DRC11: variants seen among roughly 807,000 people sequenced by gnomAD.
DRC11 encodes dynein regulatory complex subunit 11.
the DRC11 span, among the ~76,000 whole-genome samples, chr2:236,374,780 T>G: frequency 6.6e-6 from 1 of 151,778 alleles, no homozygotes; most frequent in East Asian, 1.9e-4. Flanking sequence ...AACCTCCACC[T>G]CCCGGGTTCA....
the DRC11 span, among the ~76,000 whole-genome samples, chr2:236,423,993 T>C: frequency 2.2e-5 from 3 of 138,568 alleles, no homozygotes; most frequent in East Asian, 2.1e-4. Flanking sequence ...TAGGTGGGAA[T>C]TGAACAATGA....
chr2:236,491,063 C>T, the DRC11 span, among the ~76,000 whole-genome samples: 5 of 116,760 alleles, frequency 4.3e-5, no homozygotes, highest in African/African-American at 1.4e-4. Flanking sequence ...TATATATACA[C>T]ACAGTATATA....
At chr2:236,503,752 T>C in the DRC11 span, 1 of 1,487,694 alleles carries the variant, frequency 6.7e-7, no homozygotes, top group Non-Finnish European at 9.2e-7. This position sits in a 1 kb window ranked among gnomAD's most constrained non-coding sequence, Gnocchi z 4.9. Flanking sequence ...CCACACCCCC[T>C]CCCACACTGG....
chr2:236,453,361 A>G, the DRC11 span, among the ~76,000 whole-genome samples: 1 of 152,362 alleles, frequency 6.6e-6, no homozygotes. The surrounding 1 kb of genome is among the most constrained non-coding windows in gnomAD (Gnocchi z 4.9). Flanking sequence ...CAAGTGCTAA[A>G]TGAATATCTA....
At chr2:236,319,364 G>A in the DRC11 span, among the ~76,000 whole-genome samples, 1 of 152,254 alleles carries the variant, frequency 6.6e-6, no homozygotes, top group Non-Finnish European at 1.5e-5. The surrounding 1 kb of genome is among the most constrained non-coding windows in gnomAD (Gnocchi z 6.7). Flanking sequence ...GCTGAGCTGG[G>A]ACTTATCCAG....
At chr2:236,316,602 G>A in the DRC11 span, among the ~76,000 whole-genome samples, 1 of 152,182 alleles carries the variant, frequency 6.6e-6, no homozygotes, top group South Asian at 2.1e-4. The surrounding 1 kb of genome is among the most constrained non-coding windows in gnomAD (Gnocchi z 6.8). Context: ...TGGAAAAATA[G>A]ACAACCAACT....
At chr2:236,370,233 G>C in the DRC11 span, among the ~76,000 whole-genome samples, 1 of 152,238 alleles carries the variant, frequency 6.6e-6, no homozygotes, top group African/African-American at 2.4e-5. The surrounding 1 kb of genome is among the most constrained non-coding windows in gnomAD (Gnocchi z 5.5). Context: ...AAGATCGCCA[G>C]CCACACGCCA....
chr2:236,421,569 T>G, the DRC11 span, among the ~76,000 whole-genome samples: 1 of 152,142 alleles, frequency 6.6e-6, no homozygotes, highest in Non-Finnish European at 1.5e-5. Context: ...CAATAATTAA[T>G]AGCTTACCAA....
At chr2:236,308,933 C>T in the DRC11 span, among the ~76,000 whole-genome samples, 2 of 152,210 alleles carry the variant, frequency 1.3e-5, no homozygotes, top group Non-Finnish European at 2.9e-5. This position sits in a 1 kb window ranked among gnomAD's most constrained non-coding sequence, Gnocchi z 6.0. Flanking sequence ...ACACGTGCTT[C>T]TGCTGCAGGG....
chr2:236,474,314 C>A, the DRC11 span, among the ~76,000 whole-genome samples: 1 of 152,100 alleles, frequency 6.6e-6, no homozygotes, highest in African/African-American at 2.4e-5. Flanking sequence ...ATACAAACTT[C>A]ATTCATTTGA....
At chr2:236,486,192 C>T in the DRC11 span, among the ~76,000 whole-genome samples, 1 of 152,200 alleles carries the variant, frequency 6.6e-6, no homozygotes, top group African/African-American at 2.4e-5. This position sits in a 1 kb window ranked among gnomAD's most constrained non-coding sequence, Gnocchi z 5.7. Flanking sequence ...TGATGCCCTA[C>T]AGGGAACAGA....
the DRC11 span, among the ~76,000 whole-genome samples, chr2:236,443,447 C>T: frequency 1.7e-3 from 261 of 152,294 alleles, 1 homozygote; most frequent in African/African-American, 6.0e-3. The surrounding 1 kb of genome is among the most constrained non-coding windows in gnomAD (Gnocchi z 4.4). Context: ...ACTGTTCTCA[C>T]TGTTCAGCTC....
chr2:236,419,340 C>A, the DRC11 span: 1 of 1,487,584 alleles, frequency 6.7e-7, no homozygotes, highest in South Asian at 1.4e-5. The surrounding 1 kb of genome is among the most constrained non-coding windows in gnomAD (Gnocchi z 4.8). Context: ...TTTTCCCTGT[C>A]TGAAAGGAAG....
At chr2:236,331,486 A>G in the DRC11 span, 4 of 1,613,980 alleles carry the variant, frequency 2.5e-6, no homozygotes, top group Non-Finnish European at 3.4e-6. This position sits in a 1 kb window ranked among gnomAD's most constrained non-coding sequence, Gnocchi z 4.8. Flanking sequence ...GCCTTTAACC[A>G]CTTCGACTAT....
At chr2:236,487,038 G>A in the DRC11 span, 1 of 629,694 alleles carries the variant, frequency 1.6e-6, no homozygotes, top group Non-Finnish European at 2.8e-6. Flanking sequence ...GTGTGCTGAT[G>A]GAATATTTTT....
chr2:236,357,130 GTATAT>G, the DRC11 span, among the ~76,000 whole-genome samples: 2 of 90,606 alleles, frequency 2.2e-5, no homozygotes, highest in Non-Finnish European at 4.6e-5. Flanking sequence ...TTATATATTC[GTATAT>G]TATATATCTA....
the DRC11 span, among the ~76,000 whole-genome samples, chr2:236,431,858 T>C: frequency 6.6e-6 from 1 of 152,234 alleles, no homozygotes; most frequent in African/African-American, 2.4e-5. This position sits in a 1 kb window ranked among gnomAD's most constrained non-coding sequence, Gnocchi z 4.2. Flanking sequence ...CTGTTTCAAA[T>C]TTTTGGCAAT....
chr2:236,381,740 C>T, the DRC11 span, among the ~76,000 whole-genome samples: 1 of 152,142 alleles, frequency 6.6e-6, no homozygotes, highest in Non-Finnish European at 1.5e-5. This position sits in a 1 kb window ranked among gnomAD's most constrained non-coding sequence, Gnocchi z 5.8. Flanking sequence ...ATCTGTACAT[C>T]CTCTTCAGTG....
chr2:236,441,069 T>C, the DRC11 span: 8 of 1,560,096 alleles, frequency 5.1e-6, no homozygotes, highest in Non-Finnish European at 6.1e-6. Flanking sequence ...GAAAAAATAA[T>C]AGCTGACCCT....
Sources: gnomAD v4.1 joint callset for allele counts (sites outside exome capture counted in the v4.1 genomes callset) on GRCh38, gnomAD v4.1.1 for gene constraint, Gnocchi (gnomAD v3.1) non-coding constraint, MANE v1.5 for transcripts, NCBI Gene and HGNC (gene_info 2026-07-23, HGNC 2026-07-21) for gene names.